ADCY1: variants seen among roughly 807,000 people sequenced by gnomAD.
The protein encoded by ADCY1 is adenylate cyclase type 1.
In ADCY1, 28 loss-of-function variants were observed where a neutral mutation model predicts 105.4. That is an observed-to-expected ratio of 0.27 (90% CI 0.20 to 0.36). ADCY1 has a LOEUF of 0.36. ADCY1 is among the 10% of genes least tolerant of loss of function. The pLI is 1.00. For synonymous variants in ADCY1, 655 were observed against 623.8 expected, an observed-to-expected ratio of 1.05 and a Z score of -0.75; for missense variants, 977 against 1,434.2, an observed-to-expected ratio of 0.68 and a Z score of 5.15.
In ADCY1 at chr7:45,574,676, C is replaced by T. The variant is rs1792271639; in HGVS notation, c.133C>T (p.Leu45=). 1 of 1,382,092 alleles carries T rather than the reference C, an allele frequency of 7.2e-7. No homozygotes were observed. Among genetic ancestry groups the T allele is most frequent in the East Asian group, 3.2e-5 (1 of 31,624 alleles). 85.6% of individuals were successfully genotyped at this position (1,382,092 alleles called of 1,614,324 possible). Reference sequence around the variant, plus strand: ...CGACGAGGAGTTCGCTTGCCCAGAGCTGGAGGCGCTGTTCCGCGGCTACAC... The same window carrying T: ...CGACGAGGAGTTCGCTTGCCCAGAGTTGGAGGCGCTGTTCCGCGGCTACAC... ...ACDEEFACPE[L]EALFRGYTLR... is the part of the protein sequence containing the mutation. The change falls in exon 1 of 20, where the codon CTG becomes TTG. Residue 45 remains leucine (L), a synonymous_variant. Transcript: ENST00000297323. This position sits in a 1 kb window ranked among gnomAD's most constrained non-coding sequence, Gnocchi z 7.0.
intron 4 of ADCY1, among the ~76,000 whole-genome samples, chr7:45,633,224 G>A (rs12112588): frequency 0.4 from 61,351 of 152,092 alleles, 12,810 homozygotes; most frequent in East Asian, 0.71. Flanking sequence ...GGCCAATGCT[G>A]TTGATTTTTA....
rs944547468 is a variant in ADCY1, at chr7:45,721,917, T to G, written c.*7922T>G. On this transcript the variant is annotated 3_prime_UTR_variant, in exon 20 of 20. Transcript: ENST00000297323. ...GTTTAAACAGACATAATAGCCTAGATGAACTCCCAAGAGATCTATTAAATC... is the reference window on the plus strand; with the variant it reads ...GTTTAAACAGACATAATAGCCTAGAGGAACTCCCAAGAGATCTATTAAATC... The G allele has an allele frequency of 2.5e-6, 1 of 398,416 alleles. No homozygotes were observed. Among genetic ancestry groups the G allele is most frequent in the Non-Finnish European group, 4.4e-6 (1 of 226,066 alleles). The allele number at this position is 398,416 out of a possible 1,614,324, so 24.7% of individuals were successfully genotyped here.
intron 2 of ADCY1, 42 bp from the exon 3 acceptor site, chr7:45,610,337 G>T: frequency 6.4e-7 from 1 of 1,562,028 alleles, no homozygotes; most frequent in South Asian, 1.1e-5. Context: ...AGTGGAGGGA[G>T]GGGGCCCTGC....
intron 5 of ADCY1, among the ~76,000 whole-genome samples, chr7:45,652,292 A>G (rs1051169414): frequency 6.6e-6 from 1 of 152,206 alleles, no homozygotes; most frequent in South Asian, 2.1e-4. Context: ...AAATCATATC[A>G]GGATGGTTTG....
chr7:45,623,611 A>G (rs1257793153), intron 4 of ADCY1, among the ~76,000 whole-genome samples: 1 of 152,204 alleles, frequency 6.6e-6, no homozygotes, highest in Non-Finnish European at 1.5e-5. Context: ...TCCGCTGCCC[A>G]TGGATACATT....
intron 5 of ADCY1, among the ~76,000 whole-genome samples, chr7:45,654,976 G>T (rs1164024797): frequency 1.3e-5 from 2 of 152,206 alleles, no homozygotes; most frequent in Non-Finnish European, 2.9e-5. Context: ...GGGCTTGGAG[G>T]CTGCTGCAGG....
At chr7:45,603,373 G>T (rs1395755986) in intron 2 of ADCY1, among the ~76,000 whole-genome samples, 1 of 152,194 alleles carries the variant, frequency 6.6e-6, no homozygotes, top group East Asian at 1.9e-4. Context: ...GCATTTTAAG[G>T]AGCTGCTAGA....
chr7:45,624,718 G>C (rs961274955), intron 4 of ADCY1, among the ~76,000 whole-genome samples: 9 of 152,100 alleles, frequency 5.9e-5, no homozygotes, highest in Non-Finnish European at 1.0e-4. Flanking sequence ...CTTGTCCCCT[G>C]GACTGTGCAG....
chr7:45,703,854 GAGAA>G lies in ADCY1; in HGVS notation c.2718+111_2718+114del, dbSNP rs1247782520. 4 of 1,435,546 alleles carry G rather than the reference GAGAA, an allele frequency of 2.8e-6. No homozygotes were observed. Among genetic ancestry groups the G allele is most frequent in the Non-Finnish European group, 3.7e-6 (4 of 1,072,300 alleles). The allele number at this position is 1,435,546 out of a possible 1,614,324, so 88.9% of individuals were successfully genotyped here. A position where few individuals can be genotyped will look rare whatever the true frequency, so the allele number is the denominator to read the frequency against. ...GTCACATTCTTCGTAGCTGGAATGA[GAGAA>G]AGCAAATCCCGGGAAGCACAGGCAT... On this transcript the variant is annotated intron_variant, in intron 16 of 19. Coordinates refer to ENST00000297323, the MANE Select transcript of ADCY1 (RefSeq NM_021116.4). The surrounding 1 kb of genome is among the most constrained non-coding windows in gnomAD (Gnocchi z 5.9).
chr7:45,644,677 TTTC>T (rs1170769107), intron 4 of ADCY1, among the ~76,000 whole-genome samples: 1 of 152,184 alleles, frequency 6.6e-6, no homozygotes, highest in Non-Finnish European at 1.5e-5. Flanking sequence ...CATCTTCTTC[TTTC>T]TTCTTTTGGA....
At chr7:45,628,211 G>A (rs1287263007) in intron 4 of ADCY1, among the ~76,000 whole-genome samples, 2 of 152,226 alleles carry the variant, frequency 1.3e-5, no homozygotes, top group Non-Finnish European at 2.9e-5. Context: ...TAAAGCTTGT[G>A]CTCGTATACA....
rs1392886758 is a variant in ADCY1, at chr7:45,698,541, T to G, written c.2455-4835T>G. ...CTGGGTTTAGGGGATGGCCACCTGTTGCATTGGCAGGACTTGATGGGTCTG... is the reference window on the plus strand; with the variant it reads ...CTGGGTTTAGGGGATGGCCACCTGTGGCATTGGCAGGACTTGATGGGTCTG... On this transcript the variant is annotated intron_variant, in intron 14 of 19. Coordinates refer to ENST00000297323, the MANE Select transcript of ADCY1 (RefSeq NM_021116.4). Among the ~76,000 whole-genome samples the G allele has an allele frequency of 2.6e-5, 4 of 152,126 alleles. 1 individual carries two copies. Among genetic ancestry groups the G allele is most frequent in the African/African-American group, 9.7e-5 (4 of 41,410 alleles).
intron 6 of ADCY1, among the ~76,000 whole-genome samples, chr7:45,658,824 C>T (rs1795011850): frequency 6.6e-6 from 1 of 152,224 alleles, no homozygotes; most frequent in African/African-American, 2.4e-5. Flanking sequence ...TCCCCAGGTG[C>T]TTCCAGGGCC....
At chr7:45,633,936 G>C (rs1794330998) in intron 4 of ADCY1, among the ~76,000 whole-genome samples, 1 of 151,998 alleles carries the variant, frequency 6.6e-6, no homozygotes. Context: ...TAATGTTATT[G>C]GTAAGGTTTC....
chr7:45,641,769 A>G (rs1366050195), intron 4 of ADCY1, among the ~76,000 whole-genome samples: 1 of 144,324 alleles, frequency 6.9e-6, no homozygotes. Context: ...TACTAAAAAT[A>G]CAAAAAATTA....
At chr7:45,646,331 G>C (rs1350527191) in intron 4 of ADCY1, among the ~76,000 whole-genome samples, 1 of 152,222 alleles carries the variant, frequency 6.6e-6, no homozygotes, top group Non-Finnish European at 1.5e-5. Context: ...CTGGAGTCCA[G>C]TGAATGGTCA....
intron 6 of ADCY1, among the ~76,000 whole-genome samples, chr7:45,659,260 C>A: frequency 6.6e-6 from 1 of 152,230 alleles, no homozygotes; most frequent in East Asian, 1.9e-4. Flanking sequence ...AGGCTCCCTG[C>A]TTTCGTCCTC....
Position 45,710,380 on chromosome 7 carries a change from G to C in ADCY1, c.2933-148G>C, listed in dbSNP as rs563311479. The C allele has an allele frequency of 2.8e-5, 32 of 1,152,090 alleles. No homozygotes were observed. The Admixed American group carries it at 7.8e-4, about 28-fold the overall frequency. The allele number at this position is 1,152,090 out of a possible 1,614,324, so 71.4% of individuals were successfully genotyped here. On this transcript the variant is annotated intron_variant, in intron 18 of 19. Transcript: ENST00000297323. The surrounding 1 kb of genome is among the most constrained non-coding windows in gnomAD (Gnocchi z 4.7). The stretch of plus-strand genomic sequence containing the variant: ...GCTGTGTGTGATGCTTCAGGAAGGA[G>C]CCTGGTGCTAGGTGACCCCAGGAAA...
Position 45,589,488 on chromosome 7 carries a change from A to G in ADCY1, c.640-3271A>G, listed in dbSNP as rs575753990. Among the ~76,000 whole-genome samples the G allele has an allele frequency of 7.9e-4, 121 of 152,292 alleles. 3 individuals carry two copies. The South Asian group carries it at 0.025, about 31-fold the overall frequency. ...GTGACATGTGCTAAGCCACATTACAATTGCCTTGCCCCTGTGACATGCATC... is the reference window on the plus strand; with the variant it reads ...GTGACATGTGCTAAGCCACATTACAGTTGCCTTGCCCCTGTGACATGCATC... On this transcript the variant is annotated intron_variant, in intron 1 of 19. Coordinates refer to ENST00000297323, the MANE Select transcript of ADCY1 (RefSeq NM_021116.4).
Sources: gnomAD v4.1 joint callset for allele counts (sites outside exome capture counted in the v4.1 genomes callset) on GRCh38, gnomAD v4.1.1 for gene constraint, Gnocchi (gnomAD v3.1) non-coding constraint, MANE v1.5 for transcripts, NCBI Gene and HGNC (gene_info 2026-07-23, HGNC 2026-07-21) for gene names.